The following PITPNM3 variants were observed in gnomAD, a reference collection of about 807,000 sequenced individuals.
PITPNM3 encodes PITPNM family member 3.
In PITPNM3, 26 loss-of-function variants were observed where a neutral mutation model predicts 102.0. The observed-to-expected ratio is 0.25, with a 90% CI of 0.19 to 0.35. PITPNM3 has a LOEUF of 0.35. Among genes scored for constraint, PITPNM3 ranks in the 10% least tolerant of loss-of-function variants. PITPNM3 has a pLI of 1.00. For missense variants in PITPNM3, 1,083 were observed against 1,346.1 expected (o/e 0.80, Z 3.06); for synonymous variants, 578 against 558.6 (o/e 1.03, Z -0.49).
rs959272857 is a variant in PITPNM3, at chr17:6,474,312, T to A, written c.1258+120A>T. 1.4e-5 allele frequency: 19 copies of A among 1,342,480 alleles called. No homozygotes were observed. The African/African-American group carries it at 2.6e-4, about 19-fold the overall frequency. The allele number at this position is 1,342,480 out of a possible 1,614,324, so 83.2% of individuals were successfully genotyped here. ...ACCCTCTCTCCTCTCTTTCCACCTATCCCAACTCTGTGACCCTCCCTGCCC... is the reference window on the plus strand; with the variant it reads ...ACCCTCTCTCCTCTCTTTCCACCTAACCCAACTCTGTGACCCTCCCTGCCC... On this transcript the variant is annotated intron_variant, in intron 10 of 19. Transcript: ENST00000262483.
intron 3 of PITPNM3, among the ~76,000 whole-genome samples, chr17:6,518,047 A>G (rs1384952983): frequency 6.6e-6 from 1 of 152,220 alleles, no homozygotes; most frequent in Non-Finnish European, 1.5e-5. Flanking sequence ...GATAATGTAT[A>G]TATTTTTTAA....
Position 6,478,248 on chromosome 17 carries a change from C to T in PITPNM3, c.778-151G>A, listed in dbSNP as rs972041265. On this transcript the variant is annotated intron_variant, in intron 7 of 19. Coordinates refer to ENST00000262483, the MANE Select transcript of PITPNM3 (RefSeq NM_031220.4). The surrounding 1 kb of genome is among the most constrained non-coding windows in gnomAD (Gnocchi z 4.4). ...GCCCAACTGGGAAGCAGTGTGCAAACTGGGGAGGGTCAGGGTTGGCGTTGG... is the reference window on the plus strand; with the variant it reads ...GCCCAACTGGGAAGCAGTGTGCAAATTGGGGAGGGTCAGGGTTGGCGTTGG... 2.2e-5 allele frequency: 30 copies of T among 1,374,324 alleles called. No individual in the cohort carries two copies. Among genetic ancestry groups the T allele is most frequent in the Non-Finnish European group, 2.9e-5 (29 of 1,010,842 alleles). 85.1% of individuals were successfully genotyped at this position (1,374,324 alleles called of 1,614,324 possible).
At chr17:6,531,223 C>T (rs889806058) in intron 2 of PITPNM3, among the ~76,000 whole-genome samples, 8 of 152,202 alleles carry the variant, frequency 5.3e-5, no homozygotes, top group Admixed American at 5.2e-4. Flanking sequence ...TGAAGACATA[C>T]ATTTTGCTAT....
chr17:6,465,347 G>A (rs185803331), intron 14 of PITPNM3, among the ~76,000 whole-genome samples: 206 of 152,288 alleles, frequency 1.4e-3, no homozygotes, highest in Non-Finnish European at 2.2e-3. Flanking sequence ...TGCCTGGCCC[G>A]TTCTCTGTTT....
At chr17:6,551,374 G>A (rs952748423) in intron 1 of PITPNM3, among the ~76,000 whole-genome samples, 2 of 150,858 alleles carry the variant, frequency 1.3e-5, no homozygotes, top group Non-Finnish European at 3.0e-5. Flanking sequence ...AAAAAAAAAA[G>A]AAAAGCCTGG....
At chr17:6,473,278 T>TA in intron 10 of PITPNM3, 1 of 247,946 alleles carries the variant, frequency 4.0e-6, no homozygotes, top group South Asian at 4.8e-5. Context: ...GGCCTGCTGC[T>TA]AGAGTTCCAG....
At chr17:6,490,172 G>C (rs956174432) in intron 4 of PITPNM3, among the ~76,000 whole-genome samples, 8 of 152,046 alleles carry the variant, frequency 5.3e-5, no homozygotes, top group Admixed American at 3.9e-4. Context: ...TAGCACCTGG[G>C]GGACTCAATC....
intron 4 of PITPNM3, among the ~76,000 whole-genome samples, chr17:6,488,976 C>T (rs1361506396): frequency 6.6e-6 from 1 of 152,166 alleles, no homozygotes; most frequent in Non-Finnish European, 1.5e-5. Flanking sequence ...AGTGCCAGCT[C>T]CCAGTGCCCC....
chr17:6,458,998 G>GC lies in PITPNM3; in HGVS notation c.2491-1277dup, dbSNP rs1046765572. ...AAGGAGAGGGCTTCCTCAGCCCACT[G>GC]CCCCTCACCTCAATGGTTGGTTTAT... On this transcript the variant is annotated intron_variant, in intron 18 of 19. Transcript: ENST00000262483. The surrounding 1 kb of genome is among the most constrained non-coding windows in gnomAD (Gnocchi z 5.1). Among the ~76,000 whole-genome samples the GC allele has an allele frequency of 3.9e-5, 6 of 152,164 alleles. No homozygotes were observed. The highest frequency in any genetic ancestry group is 8.8e-5 in the Non-Finnish European group (6 of 68,032).
intron 1 of PITPNM3, among the ~76,000 whole-genome samples, chr17:6,548,873 GT>G (rs1910166998): frequency 6.6e-6 from 1 of 152,114 alleles, no homozygotes; most frequent in Non-Finnish European, 1.5e-5. Flanking sequence ...AGCCCAACGC[GT>G]TTCTATTTTT....
At chr17:6,489,354 CA>C (rs1488844556) in intron 4 of PITPNM3, among the ~76,000 whole-genome samples, 1 of 151,334 alleles carries the variant, frequency 6.6e-6, no homozygotes, top group Admixed American at 6.6e-5. Flanking sequence ...CCCCTGGCAT[CA>C]ACCAAGCAGA....
chr17:6,476,070 C>T (rs537890025), intron 9 of PITPNM3, among the ~76,000 whole-genome samples: 10 of 152,274 alleles, frequency 6.6e-5, no homozygotes, highest in East Asian at 5.8e-4. Flanking sequence ...ATTAAGTAAA[C>T]TGATATCCAT....
chr17:6,527,339 TAA>T (rs1326007130), intron 2 of PITPNM3, among the ~76,000 whole-genome samples: 1 of 152,216 alleles, frequency 6.6e-6, no homozygotes, highest in African/African-American at 2.4e-5. Context: ...TTTCCTCATC[TAA>T]AAGTGATATC....
rs1913845208 is a variant in PITPNM3, at chr17:6,451,778, G to A, written c.*3560C>T. The stretch of plus-strand genomic sequence containing the variant: ...ACTTAACCCTAACTATGATTTTTAC[G>A]AAGGTTTCCCCCAAGCCCGGAAGGA... On this transcript the variant is annotated 3_prime_UTR_variant, in exon 20 of 20. Coordinates refer to ENST00000262483, the MANE Select transcript of PITPNM3 (RefSeq NM_031220.4). 2 of 29,334 alleles carry A rather than the reference G, an allele frequency of 6.8e-5. No individual in the cohort carries two copies. Among genetic ancestry groups the A allele is most frequent in the Non-Finnish European group, 1.3e-4 (2 of 15,238 alleles). 1.8% of individuals were successfully genotyped at this position (29,334 alleles called of 1,614,324 possible).
chr17:6,547,122 A>G (rs1191709494), intron 1 of PITPNM3, among the ~76,000 whole-genome samples: 1 of 152,152 alleles, frequency 6.6e-6, no homozygotes, highest in Non-Finnish European at 1.5e-5. Flanking sequence ...GAAAGGACTC[A>G]CGATTCTTGT....
intron 4 of PITPNM3, among the ~76,000 whole-genome samples, chr17:6,492,582 C>T (rs920347609): frequency 3.3e-5 from 5 of 152,130 alleles, no homozygotes; most frequent in Admixed American, 6.5e-5. Flanking sequence ...CGAGGCTAGG[C>T]GCCATGGCTC....
rs775597951 is a variant in PITPNM3, at chr17:6,470,443, C to T, written c.1625-35G>A. The T allele has an allele frequency of 2.0e-5, 33 of 1,613,504 alleles. No individual in the cohort carries two copies. Among genetic ancestry groups the T allele is most frequent in the East Asian group, 4.5e-5 (2 of 44,894 alleles). On this transcript the variant is annotated intron_variant, in intron 12 of 19. Transcript: ENST00000262483. The surrounding 1 kb of genome is among the most constrained non-coding windows in gnomAD (Gnocchi z 4.8). ...GGAGAGGAAGGTGAGGATGCGTGGCCGGCCCGGGGCCTCACCCGAGGGGCA... is the reference window on the plus strand; with the variant it reads ...GGAGAGGAAGGTGAGGATGCGTGGCTGGCCCGGGGCCTCACCCGAGGGGCA...
At chr17:6,501,552 T>C (rs2150605435) in intron 4 of PITPNM3, among the ~76,000 whole-genome samples, 1 of 152,276 alleles carries the variant, frequency 6.6e-6, no homozygotes, top group South Asian at 2.1e-4. Flanking sequence ...GCCCTCGACA[T>C]GCAAATCAGC....
At chr17:6,550,778 A>G (rs901463526) in intron 1 of PITPNM3, among the ~76,000 whole-genome samples, 10 of 152,298 alleles carry the variant, frequency 6.6e-5, no homozygotes, top group African/African-American at 2.2e-4. Flanking sequence ...GTCCTGCCAC[A>G]CTGGACTTCC....
Sources: allele counts gnomAD v4.1 joint callset (sites outside exome capture counted in the v4.1 genomes callset), GRCh38; gene constraint gnomAD v4.1.1; non-coding constraint Gnocchi (gnomAD v3.1); transcripts MANE v1.5; gene names NCBI Gene and HGNC (gene_info 2026-07-23, HGNC 2026-07-21).